Variants in SEL1L3 observed in about 807,000 individuals in gnomAD.
SEL1L3 encodes the protein protein sel-1 homolog 3.
In SEL1L3, 76 loss-of-function variants were observed where a neutral mutation model predicts 142.8. The ratio of observed to expected loss-of-function variants is 0.53; its 90% CI spans 0.44 to 0.64. The LOEUF is 0.64. Ranked by LOEUF, SEL1L3 falls within the 30% of genes least tolerant of loss-of-function variation. The probability of loss-of-function intolerance (pLI) is 0.00; values close to 1 mark genes in which losing one functional copy is unlikely to be tolerated. For missense variants in SEL1L3, 1,262 were observed against 1,381.7 expected, an observed-to-expected ratio of 0.91 and a Z score of 1.37; for synonymous variants, 504 against 519.6, an observed-to-expected ratio of 0.97 and a Z score of 0.41.
intron 17 of SEL1L3, among the ~76,000 whole-genome samples, chr4:25,769,505 G>C (rs542200160): frequency 6.6e-6 from 1 of 152,182 alleles, no homozygotes; most frequent in Non-Finnish European, 1.5e-5. Context: ...CCCAAAGGAT[G>C]CTTGGGGATT....
intron 1 of SEL1L3, among the ~76,000 whole-genome samples, chr4:25,852,580 A>G (rs558408477): frequency 1.2e-3 from 180 of 152,334 alleles, no homozygotes; most frequent in African/African-American, 3.9e-3. Context: ...ATGGGTGGCC[A>G]ACACGCCTTA....
chr4:25,734,574 ATCT>A, the SEL1L3 span, among the ~76,000 whole-genome samples: 1 of 150,890 alleles, frequency 6.6e-6, no homozygotes, highest in Non-Finnish European at 1.5e-5. Flanking sequence ...GGATTTTTGT[ATCT>A]TCTTTTTTTT....
At chr4:25,842,308 A>C (rs6820386) in intron 2 of SEL1L3, among the ~76,000 whole-genome samples, 3,335 of 149,962 alleles carry the variant, frequency 0.022, 111 homozygotes, top group African/African-American at 0.077. Context: ...AAATTTGAGC[A>C]GGCTGTTGAA....
At chr4:25,847,211 A>G (rs755005031) in intron 2 of SEL1L3, 83 bp downstream of exon 2, 15 of 1,169,238 alleles carry the variant, frequency 1.3e-5, no homozygotes, top group Non-Finnish European at 1.7e-5. Flanking sequence ...TCGCTAATAG[A>G]AGAATTTTCT....
rs532541767 is a variant in SEL1L3 at position 25,858,556 on chromosome 4, G to T, written c.162+4119C>A. Among the ~76,000 whole-genome samples, 8 of 151,554 alleles carry T rather than the reference G, an allele frequency of 5.3e-5. No individual in the cohort carries two copies. In the East Asian group the frequency reaches 1.6e-3, roughly 29 times the overall value. On this transcript the variant is annotated intron_variant, in intron 1 of 23. Coordinates refer to ENST00000399878, the MANE Select transcript of SEL1L3 (RefSeq NM_015187.5). ...TCTGTTTTTTTGTTGTTGTTGTTTT[G>T]TTTTTGTTTTTTTTGATTTTTTTGT...
chr4:25,801,771 T>C (rs1277695374), intron 11 of SEL1L3, among the ~76,000 whole-genome samples: 1 of 152,158 alleles, frequency 6.6e-6, no homozygotes, highest in African/African-American at 2.4e-5. Context: ...GCAAGGCTCA[T>C]GGCATGGGGA....
chr4:25,717,592 G>A, the SEL1L3 span, among the ~76,000 whole-genome samples: 2 of 152,194 alleles, frequency 1.3e-5, no homozygotes. Flanking sequence ...CTTGAACCCG[G>A]GAGGTGGAGG....
At chr4:25,778,356 A>T (rs1020002479) in intron 16 of SEL1L3, among the ~76,000 whole-genome samples, 1 of 152,230 alleles carries the variant, frequency 6.6e-6, no homozygotes, top group Non-Finnish European at 1.5e-5. Flanking sequence ...ATAGGTCTGG[A>T]CATACCAAGA....
At position 25,847,636 on chromosome 4, in the gene SEL1L3, T is replaced by C; in HGVS notation, c.391A>G (p.Arg131Gly). ...FRSSIPVYKK[R>G]WKNEKHLHTS... is the part of the protein sequence containing the mutation. ...TGAAGATGTTTCTCATTCTTCCACC[T>C]TTTTTTGTACACGGGAATGCTACTT... Residue 131 changes from arginine (R) to glycine (G), a missense_variant, in exon 2 of 24, where the codon AGG (arginine) becomes GGG (glycine). Transcript: ENST00000399878. 6.2e-7 allele frequency: 1 copy of C among 1,613,242 alleles called. No homozygotes were observed. The highest frequency in any genetic ancestry group is 8.5e-7 in the Non-Finnish European group (1 of 1,179,210).
At chr4:25,813,952 T>C (rs1334226498) in intron 9 of SEL1L3, among the ~76,000 whole-genome samples, 1 of 152,130 alleles carries the variant, frequency 6.6e-6, no homozygotes, top group Middle Eastern at 3.2e-3. Flanking sequence ...CTTTGAAGTG[T>C]GTTGTTGGCT....
the SEL1L3 span, among the ~76,000 whole-genome samples, chr4:25,724,343 C>T: frequency 8.6e-5 from 13 of 151,914 alleles, no homozygotes; most frequent in Middle Eastern, 3.4e-3. Flanking sequence ...TGCTTGAGCC[C>T]GGGAGGTTCA....
intron 23 of SEL1L3, among the ~76,000 whole-genome samples, chr4:25,757,161 G>A (rs372224520): frequency 2.0e-5 from 3 of 151,948 alleles, no homozygotes; most frequent in East Asian, 1.9e-4. Context: ...CCAGCTACTC[G>A]GGAGGGTGAG....
chr4:25,753,230 T>C (rs1717716848), intron 23 of SEL1L3, among the ~76,000 whole-genome samples: 1 of 152,256 alleles, frequency 6.6e-6, no homozygotes, highest in Non-Finnish European at 1.5e-5. Context: ...AAAATGAAGG[T>C]AGTTGGAGCT....
intron 15 of SEL1L3, 60 bp from the exon 16 acceptor site, chr4:25,779,263 A>C (rs759789985): frequency 5.3e-5 from 84 of 1,599,228 alleles, no homozygotes; most frequent in Non-Finnish European, 7.0e-5. Context: ...CGCCAGAGAC[A>C]AGGTGATGAG....
chr4:25,813,594 T>C (rs1193184401), intron 9 of SEL1L3, among the ~76,000 whole-genome samples: 1 of 152,138 alleles, frequency 6.6e-6, no homozygotes, highest in Non-Finnish European at 1.5e-5. Flanking sequence ...TGAGTATGGA[T>C]TTTCAGTTTT....
intron 13 of SEL1L3, among the ~76,000 whole-genome samples, chr4:25,786,292 A>G (rs1299738905): frequency 2.0e-5 from 3 of 152,156 alleles, no homozygotes; most frequent in Non-Finnish European, 4.4e-5. Flanking sequence ...GTTCTTTCAC[A>G]CAGAATACAC....
At chr4:25,782,145 G>T in intron 15 of SEL1L3, 97 bp downstream of exon 15, 1 of 1,059,822 alleles carries the variant, frequency 9.4e-7, no homozygotes, top group Non-Finnish European at 1.4e-6. Flanking sequence ...CAGGGACTGT[G>T]TCTGGGGTTG....
chr4:25,766,572 C>T (rs554912254), intron 19 of SEL1L3, among the ~76,000 whole-genome samples: 105 of 152,070 alleles, frequency 6.9e-4, no homozygotes, highest in African/African-American at 2.4e-3. Context: ...GCTGAAAAGG[C>T]AAATGGAAAA....
rs1211837440 is a variant in SEL1L3, at chr4:25,788,112, T to C, written c.2217+112A>G. The C allele has an allele frequency of 2.1e-6, 2 of 952,434 alleles. No homozygotes were observed. The highest frequency in any genetic ancestry group is 2.0e-5 in the Admixed American group (1 of 48,932). 59.0% of individuals were successfully genotyped at this position (952,434 alleles called of 1,614,324 possible). ...TTTTCCATCAAGAGTGACAGAAGCA[T>C]ATACTAAATTTCTTCAGTTATCGAC... On this transcript the variant is annotated intron_variant, in intron 13 of 23. Coordinates refer to ENST00000399878, the MANE Select transcript of SEL1L3 (RefSeq NM_015187.5). This position sits in a 1 kb window ranked among gnomAD's most constrained non-coding sequence, Gnocchi z 5.3.
Sources: allele counts gnomAD v4.1 joint callset (sites outside exome capture counted in the v4.1 genomes callset), GRCh38; gene constraint gnomAD v4.1.1; non-coding constraint Gnocchi (gnomAD v3.1); transcripts MANE v1.5; gene names NCBI Gene and HGNC (gene_info 2026-07-23, HGNC 2026-07-21).